Variants in NCKAP5 observed in about 807,000 individuals in gnomAD.
The protein encoded by NCKAP5 is nck-associated protein 5.
A neutral mutation model predicts 167.0 loss-of-function variants in NCKAP5; 92 were observed. The observed-to-expected ratio is 0.55, with a 90% CI of 0.47 to 0.66. The LOEUF (loss-of-function observed/expected upper bound fraction) is 0.66, where lower values mean the gene tolerates loss of function less well. Ranked by LOEUF, NCKAP5 falls within the 30% of genes least tolerant of loss-of-function variation. NCKAP5 has a pLI of 0.00. For synonymous variants in NCKAP5, 891 were observed against 877.4 expected, an observed-to-expected ratio of 1.02 and a Z score of -0.27; for missense variants, 2,378 against 2,315.0, an observed-to-expected ratio of 1.03 and a Z score of -0.56.
chr2:132,964,014 T>C (rs1037591867), intron 7 of NCKAP5, 145 bp from the exon 8 acceptor site: 3 of 912,882 alleles, frequency 3.3e-6, no homozygotes, highest in Non-Finnish European at 5.0e-6. Context: ...GAGGGGTTTA[T>C]TTTAAAAAAT....
the NCKAP5 span, among the ~76,000 whole-genome samples, chr2:133,597,894 T>C: frequency 6.6e-6 from 1 of 152,050 alleles, no homozygotes; most frequent in African/African-American, 2.4e-5. Context: ...CATTCTGCGA[T>C]GTTCTCATCT....
chr2:133,305,621 G>A (rs1305782219), intron 3 of NCKAP5, among the ~76,000 whole-genome samples: 1 of 152,152 alleles, frequency 6.6e-6, no homozygotes, highest in African/African-American at 2.4e-5. Flanking sequence ...AGGCAGTTAG[G>A]CAGAGATTGA....
chr2:132,878,785 G>T lies in NCKAP5; in HGVS notation c.648+63C>A, dbSNP rs1319287824. ...TACTGGTAGCACACACACATTTTGA[G>T]ATCAGATTAAGGGAATCCCAACTAG... On this transcript the variant is annotated intron_variant, in intron 9 of 19. Coordinates refer to ENST00000409261, the MANE Select transcript of NCKAP5 (RefSeq NM_207363.3). 9 of 1,211,930 alleles carry T rather than the reference G, an allele frequency of 7.4e-6. No homozygotes were observed. In the African/African-American group the frequency reaches 9.0e-5, roughly 12 times the overall value. The allele number at this position is 1,211,930 out of a possible 1,614,324, so 75.1% of individuals were successfully genotyped here. A position where few individuals can be genotyped will look rare whatever the true frequency, so the allele number is the denominator to read the frequency against.
At chr2:133,658,666 C>T in the NCKAP5 span, among the ~76,000 whole-genome samples, 9 of 152,172 alleles carry the variant, frequency 5.9e-5, no homozygotes, top group African/African-American at 2.2e-4. Flanking sequence ...GGCTCACTCA[C>T]AGTGCCGACA....
intron 4 of NCKAP5, among the ~76,000 whole-genome samples, chr2:133,300,407 G>A (rs1190687918): frequency 1.7e-5 from 2 of 116,318 alleles, no homozygotes; most frequent in Admixed American, 1.6e-4. Flanking sequence ...GAATCCAGCA[G>A]CACATCAAAA....
At chr2:133,517,282 T>C (rs553767471) in intron 3 of NCKAP5, among the ~76,000 whole-genome samples, 176 bp downstream of exon 3, 1 of 152,350 alleles carries the variant, frequency 6.6e-6, no homozygotes, top group East Asian at 1.9e-4. Context: ...AACATTCCAA[T>C]AATTTGCTGG....
At chr2:133,653,443 C>T in the NCKAP5 span, among the ~76,000 whole-genome samples, 1 of 152,166 alleles carries the variant, frequency 6.6e-6, no homozygotes, top group Non-Finnish European at 1.5e-5. Context: ...CTTCTGTAAA[C>T]TTAGTGGGCA....
chr2:132,854,030 G>A (rs1406645916), intron 11 of NCKAP5, among the ~76,000 whole-genome samples: 5 of 152,102 alleles, frequency 3.3e-5, no homozygotes, highest in African/African-American at 7.2e-5. Context: ...CTGGTTTCAC[G>A]TAATCCTTAG....
At chr2:132,840,182 A>G (rs1471486586) in intron 11 of NCKAP5, among the ~76,000 whole-genome samples, 1 of 152,186 alleles carries the variant, frequency 6.6e-6, no homozygotes, top group East Asian at 1.9e-4. Context: ...ATACATGAGA[A>G]CCAAGAGAGA....
At chr2:133,282,355 G>A (rs2089965257) in intron 4 of NCKAP5, among the ~76,000 whole-genome samples, 1 of 152,210 alleles carries the variant, frequency 6.6e-6, no homozygotes, top group Non-Finnish European at 1.5e-5. Context: ...CCTGGACCCA[G>A]TAGGGATGCC....
At chr2:132,819,281 T>C (rs1686526488) in intron 11 of NCKAP5, among the ~76,000 whole-genome samples, 1 of 152,186 alleles carries the variant, frequency 6.6e-6, no homozygotes, top group Non-Finnish European at 1.5e-5. Context: ...GAGTCACTGG[T>C]CCTGGTTGGG....
At chr2:133,572,357 T>C (rs1688896936), upstream of NCKAP5, among the ~76,000 whole-genome samples, 1 of 152,236 alleles carries the variant, frequency 6.6e-6, no homozygotes, top group Non-Finnish European at 1.5e-5. Context: ...CCATGTGACT[T>C]CTGCTCCTTT....
At chr2:133,118,429 G>C (rs2082149649) in intron 6 of NCKAP5, 1 of 151,954 alleles carries the variant, frequency 6.6e-6, no homozygotes, top group African/African-American at 2.4e-5. Context: ...GATGGACCAG[G>C]TTGGCCAAAT....
chr2:133,513,562 T>G (rs1575086341), intron 3 of NCKAP5, among the ~76,000 whole-genome samples: 2 of 152,252 alleles, frequency 1.3e-5, no homozygotes, highest in Admixed American at 1.3e-4. Flanking sequence ...TTTTCAATAG[T>G]GCTTGTTGAC....
chr2:133,358,897 A>G (rs1684912896), intron 3 of NCKAP5, among the ~76,000 whole-genome samples: 2 of 152,348 alleles, frequency 1.3e-5, no homozygotes, highest in African/African-American at 4.8e-5. Flanking sequence ...ACATTGCAAG[A>G]AACGTGTTAA....
intron 6 of NCKAP5, among the ~76,000 whole-genome samples, chr2:133,013,058 C>T (rs1198997725): frequency 3.3e-5 from 5 of 152,176 alleles, no homozygotes; most frequent in African/African-American, 1.2e-4. Context: ...AGTATAAAGC[C>T]TGGGAACTGC....
At chr2:132,700,401 T>C (rs1008127373) in intron 19 of NCKAP5, among the ~76,000 whole-genome samples, 2 of 152,232 alleles carry the variant, frequency 1.3e-5, no homozygotes, top group African/African-American at 4.8e-5. Context: ...TCCTTGCCCA[T>C]GCCTATGTCC....
intron 3 of NCKAP5, among the ~76,000 whole-genome samples, chr2:133,363,471 T>A (rs1685257514): frequency 6.6e-6 from 1 of 152,196 alleles, no homozygotes; most frequent in African/African-American, 2.4e-5. Flanking sequence ...CCCTGACTAG[T>A]TACATAAACA....
At chr2:133,453,591 C>T (rs1320533400) in intron 3 of NCKAP5, among the ~76,000 whole-genome samples, 1 of 152,016 alleles carries the variant, frequency 6.6e-6, no homozygotes, top group African/African-American at 2.4e-5. Context: ...GTTATTCATT[C>T]AGTGGAACAT....
Sources: allele counts gnomAD v4.1 joint callset (sites outside exome capture counted in the v4.1 genomes callset), GRCh38; gene constraint gnomAD v4.1.1; transcripts MANE v1.5; gene names NCBI Gene and HGNC (gene_info 2026-07-23, HGNC 2026-07-21).